The following KIAA1549L variants were observed in gnomAD, a reference collection of about 807,000 sequenced individuals.
The protein encoded by KIAA1549L is KIAA1549 like.
A neutral mutation model predicts 160.7 loss-of-function variants in KIAA1549L; 88 were observed. That is an observed-to-expected ratio of 0.55 (90% confidence interval 0.46 to 0.65). The LOEUF (loss-of-function observed/expected upper bound fraction) is 0.65, where lower values mean the gene tolerates loss of function less well. Ranked by LOEUF, KIAA1549L falls within the 30% of genes least tolerant of loss-of-function variation. The pLI is 0.00. For synonymous variants in KIAA1549L, 950 were observed against 976.7 expected (o/e 0.97, Z 0.51); for missense variants, 2,258 against 2,437.5 (o/e 0.93, Z 1.55).
rs1053806155 is a variant in KIAA1549L, at chr11:33,553,870, G to T, written c.3855+1629G>T. Among the ~76,000 whole-genome samples, 8 of 152,330 alleles carry T rather than the reference G, an allele frequency of 5.3e-5. No individual in the cohort carries two copies. In the East Asian group the frequency reaches 1.5e-3, roughly 29 times the overall value. ...AGCCTCCTTGTGTTGTTGTATGGTAGTTGTGGGCCATTAGAGGAAACTTTA... is the reference window on the plus strand; with the variant it reads ...AGCCTCCTTGTGTTGTTGTATGGTATTTGTGGGCCATTAGAGGAAACTTTA... On this transcript the variant is annotated intron_variant, in intron 6 of 20. Transcript: ENST00000658780.
chr11:33,475,548 C>T (rs572485358), intron 1 of KIAA1549L, among the ~76,000 whole-genome samples: 7 of 150,482 alleles, frequency 4.7e-5, no homozygotes, highest in African/African-American at 1.7e-4. Context: ...AGAGTGAGAT[C>T]CTGTCTCTTT....
At chr11:33,623,664 T>C (rs561872823) in intron 16 of KIAA1549L, among the ~76,000 whole-genome samples, 36 of 152,222 alleles carry the variant, frequency 2.4e-4, no homozygotes, top group African/African-American at 7.7e-4. Context: ...AAGACACTTA[T>C]CAACCCCAGT....
rs748227153 is a variant in KIAA1549L, at chr11:33,655,983, T to A, written c.5761-29T>A. ...CTGATCGACCCTGGGTGTTAACAAC[T>A]CTCCCTGTATTGCTTGTCTCTTTCA... On this transcript the variant is annotated intron_variant, in intron 17 of 20. Coordinates refer to ENST00000658780, the MANE Select transcript of KIAA1549L (RefSeq NM_012194.3). 2.9e-5 allele frequency: 44 copies of A among 1,530,844 alleles called. 1 individual carries two copies. The South Asian group carries it at 4.8e-4, about 17-fold the overall frequency. 94.8% of individuals were successfully genotyped at this position (1,530,844 alleles called of 1,614,324 possible).
At chr11:33,656,356 C>T (rs1446104770) in intron 18 of KIAA1549L, among the ~76,000 whole-genome samples, 1 of 152,174 alleles carries the variant, frequency 6.6e-6, no homozygotes, top group Non-Finnish European at 1.5e-5. Context: ...AGGTCAACTG[C>T]CCCATACCTG....
At chr11:33,615,595 A>G (rs1027830097) in intron 15 of KIAA1549L, among the ~76,000 whole-genome samples, 1 of 152,108 alleles carries the variant, frequency 6.6e-6, no homozygotes, top group Non-Finnish European at 1.5e-5. Flanking sequence ...ATTGAAATCC[A>G]TGTTAAACAG....
intron 8 of KIAA1549L, among the ~76,000 whole-genome samples, chr11:33,563,348 CA>C (rs68027285): frequency 0.43 from 41,364 of 95,862 alleles, 7,566 homozygotes; most frequent in African/African-American, 0.62. Context: ...GACCGTGTCT[CA>C]AAAAAAAAAA....
At chr11:33,620,337 G>A (rs1219199484) in intron 16 of KIAA1549L, among the ~76,000 whole-genome samples, 2 of 152,176 alleles carry the variant, frequency 1.3e-5, no homozygotes, top group Non-Finnish European at 2.9e-5. Context: ...ATACTGCTTT[G>A]AGAAGTGCAT....
intron 16 of KIAA1549L, among the ~76,000 whole-genome samples, chr11:33,639,685 G>A (rs1369313767): frequency 2.6e-5 from 4 of 152,174 alleles, no homozygotes; most frequent in East Asian, 1.9e-4. Flanking sequence ...GATCACAGGC[G>A]CGCGCTACCT....
At position 33,542,715 on chromosome 11, in the gene KIAA1549L, A is replaced by G. The variant is rs368582897; in HGVS notation, c.1152A>G (p.Ala384=). ...WSMLEVASGP[A]STQQIKAGVP... ...TGTTGGAAGTGGCTTCAGGTCCTGC[A>G]TCCACCCAGCAGATCAAAGCTGGGG... The change falls in exon 2 of 21, where the codon GCA becomes GCG. Residue 384 remains alanine (A), a synonymous_variant. Transcript: ENST00000658780. 11 of 1,614,018 alleles carry G rather than the reference A, an allele frequency of 6.8e-6. No individual in the cohort carries two copies. Among genetic ancestry groups the G allele is most frequent in the Non-Finnish European group, 8.5e-6 (10 of 1,179,872 alleles).
At chr11:33,452,617 T>C (rs1851744018) in intron 1 of KIAA1549L, among the ~76,000 whole-genome samples, 1 of 131,484 alleles carries the variant, frequency 7.6e-6, no homozygotes, top group Admixed American at 6.9e-5. Flanking sequence ...CAAATAAATA[T>C]GTATGTATGT....
intron 6 of KIAA1549L, among the ~76,000 whole-genome samples, chr11:33,559,270 T>C (rs1050804500): frequency 1.3e-5 from 2 of 152,232 alleles, no homozygotes; most frequent in Admixed American, 6.5e-5. Context: ...ATCTGAGCAG[T>C]TGAGCCCTCC....
intron 9 of KIAA1549L, 61 bp downstream of exon 9, chr11:33,568,288 T>C (rs1855124329): frequency 1.3e-6 from 2 of 1,486,802 alleles, no homozygotes; most frequent in Non-Finnish European, 1.8e-6. Flanking sequence ...GGGGATGTGC[T>C]TCCTGAGACT....
intron 1 of KIAA1549L, among the ~76,000 whole-genome samples, chr11:33,405,367 G>A (rs1850623340): frequency 6.6e-6 from 1 of 152,118 alleles, no homozygotes; most frequent in African/African-American, 2.4e-5. Context: ...AGACATTACA[G>A]AATGACCAAG....
intron 17 of KIAA1549L, among the ~76,000 whole-genome samples, chr11:33,650,921 C>T (rs1851865532): frequency 6.6e-6 from 1 of 152,138 alleles, no homozygotes; most frequent in Non-Finnish European, 1.5e-5. Context: ...ACACAGGTTC[C>T]TTGTCTTTCA....
intron 17 of KIAA1549L, among the ~76,000 whole-genome samples, chr11:33,654,877 G>A (rs745333510): frequency 2.6e-5 from 4 of 152,154 alleles, no homozygotes; most frequent in Non-Finnish European, 5.9e-5. Context: ...CCCTTATGAA[G>A]ATGTAGTCTG....
At chr11:33,462,711 C>T (rs765723698) in intron 1 of KIAA1549L, among the ~76,000 whole-genome samples, 4 of 152,078 alleles carry the variant, frequency 2.6e-5, no homozygotes, top group African/African-American at 4.8e-5. Flanking sequence ...CCCTGTTTTC[C>T]AGTTTCCTTA....
chr11:33,651,872 C>CA (rs2133421400), intron 17 of KIAA1549L, among the ~76,000 whole-genome samples: 1 of 92,586 alleles, frequency 1.1e-5, no homozygotes, highest in East Asian at 4.5e-4. Context: ...CCCTCCCCTC[C>CA]CCCCCTTTCT....
intron 1 of KIAA1549L, among the ~76,000 whole-genome samples, chr11:33,401,381 ATATAT>A (rs2134065595): frequency 6.7e-6 from 1 of 149,672 alleles, no homozygotes; most frequent in Admixed American, 6.7e-5. Context: ...TATATATTTT[ATATAT>A]TATATCTATT....
chr11:33,400,619 A>G (rs1457717956), intron 1 of KIAA1549L, among the ~76,000 whole-genome samples: 1 of 152,212 alleles, frequency 6.6e-6, no homozygotes, highest in Non-Finnish European at 1.5e-5. Flanking sequence ...TCTGAAATAT[A>G]TTCTTACCCA....
Sources: gnomAD v4.1 joint callset for allele counts (sites outside exome capture counted in the v4.1 genomes callset) on GRCh38, gnomAD v4.1.1 for gene constraint, MANE v1.5 for transcripts, NCBI Gene and HGNC (gene_info 2026-07-23, HGNC 2026-07-21) for gene names.